FBN2: variants seen among roughly 807,000 people sequenced by gnomAD.
FBN2 encodes the protein fibrillin-2.
In FBN2, 105 loss-of-function variants were observed where a neutral mutation model predicts 355.6. That is an observed-to-expected ratio of 0.30 (90% CI 0.25 to 0.35). FBN2 has a LOEUF of 0.35. Ranked by LOEUF, FBN2 falls within the 10% of genes least tolerant of loss-of-function variation. The pLI is 1.00. For synonymous variants in FBN2, 1,350 were observed against 1,301.2 expected (o/e 1.04, Z -0.81); for missense variants, 3,280 against 3,758.7 (o/e 0.87, Z 3.33).
chr5:128,322,116 T>C (rs1364618209), intron 34 of FBN2, among the ~76,000 whole-genome samples: 3 of 152,228 alleles, frequency 2.0e-5, no homozygotes, highest in African/African-American at 4.8e-5. Flanking sequence ...TTCATATCCA[T>C]TGCTCACTTT....
At chr5:128,314,557 C>G (rs1185676135) in intron 36 of FBN2, among the ~76,000 whole-genome samples, 1 of 151,982 alleles carries the variant, frequency 6.6e-6, no homozygotes, top group East Asian at 1.9e-4. Context: ...ACCTTGTGAT[C>G]CACCCACCTC....
intron 7 of FBN2, among the ~76,000 whole-genome samples, chr5:128,445,727 A>T (rs1057345178): frequency 6.6e-6 from 1 of 152,296 alleles, no homozygotes; most frequent in East Asian, 1.9e-4. Flanking sequence ...CATTGTATCA[A>T]AACTACTAGA....
At chr5:128,450,363 T>C (rs1238540331) in intron 6 of FBN2, among the ~76,000 whole-genome samples, 1 of 151,902 alleles carries the variant, frequency 6.6e-6, no homozygotes, top group Admixed American at 6.5e-5. Context: ...AGAGTTAAAC[T>C]AGAAAGTAAT....
At position 128,338,106 on chromosome 5, in the gene FBN2, T is replaced by C; in HGVS notation, c.3489A>G (p.Glu1163=). 1 of 1,614,124 alleles carries C rather than the reference T, an allele frequency of 6.2e-7. No individual in the cohort carries two copies. The highest frequency in any genetic ancestry group is 8.5e-7 in the Non-Finnish European group (1 of 1,179,976). ...CACCCCTACAAAGGAGAGGGTTACG[T>C]TCACATTCGTCAATGTCTGAAAGGT... ...MKNCMDIDEC[E]RNPLLCRGGT... Residue 1163 remains glutamate, a synonymous_variant, in exon 27 of 65, where the codon GAA becomes GAG. Transcript: ENST00000262464.
At chr5:128,281,289 C>T (rs139682752) in intron 55 of FBN2, among the ~76,000 whole-genome samples, 38 of 152,270 alleles carry the variant, frequency 2.5e-4, no homozygotes, top group Admixed American at 5.2e-4. Context: ...TTTATATTTA[C>T]TGTGGGATTG....
chr5:128,364,601 A>T lies in FBN2; in HGVS notation c.2427T>A (p.Ile809=), dbSNP rs139686090. 2,077 of 1,613,242 alleles carry T rather than the reference A, an allele frequency of 1.3e-3. 7 individuals are homozygous for T. Among genetic ancestry groups the T allele is most frequent in the Non-Finnish European group, 1.6e-3 (1,920 of 1,179,300 alleles). ...GCATAAATATAACAAATAACTTACC[A>T]ATACAGTTTCTTCCAGAGGCATCTG... The part of the protein sequence containing the change: ...YEPDASGRNC[I]DIDECLVNRL... Residue 809 remains isoleucine (I), a splice_region_variant and synonymous_variant, in exon 18 of 65, where the codon ATT becomes ATA. Coordinates refer to ENST00000262464, the MANE Select transcript of FBN2 (RefSeq NM_001999.4).
intron 52 of FBN2, 79 bp downstream of exon 52, chr5:128,289,048 G>A (rs1052933051): frequency 1.4e-6 from 2 of 1,456,116 alleles, no homozygotes; most frequent in Admixed American, 1.7e-5. Context: ...CCATCACCCA[G>A]GGTACCTGAG....
intron 62 of FBN2, among the ~76,000 whole-genome samples, chr5:128,268,539 T>C (rs1002519572): frequency 2.6e-5 from 4 of 152,150 alleles, no homozygotes; most frequent in Admixed American, 6.5e-5. Context: ...GGTAGCATCA[T>C]CCTGATACCA....
intron 5 of FBN2, among the ~76,000 whole-genome samples, chr5:128,489,127 A>G (rs1755431147): frequency 9.4e-6 from 1 of 106,942 alleles, no homozygotes. Flanking sequence ...ACAGTGTAAA[A>G]GTGTTCCTAT....
In FBN2 at chr5:128,434,412, ATATATATATATATG is replaced by A. The variant is rs1753720334; in HGVS notation, c.952+12055_952+12068del. ...AAAGTGTGTATATATATATATATAT[ATATATATATATATG>A]GGCAGTAAGTGACAGCACTGGCGAG... is the stretch of plus-strand genomic sequence containing the variant. On this transcript the variant is annotated intron_variant, in intron 7 of 64. Transcript: ENST00000262464. Among the ~76,000 whole-genome samples the A allele has an allele frequency of 1.6e-5, 2 of 123,742 alleles. 1 individual carries two copies. The highest frequency in any genetic ancestry group is 6.5e-5 in the African/African-American group (2 of 30,996). The allele number at this position is 123,742 out of a possible 152,430, so 81.2% of individuals were successfully genotyped here.
At chr5:128,506,758 C>CT (rs546484886) in intron 5 of FBN2, among the ~76,000 whole-genome samples, 2 of 152,100 alleles carry the variant, frequency 1.3e-5, no homozygotes, top group Non-Finnish European at 2.9e-5. Context: ...AAATGCCCTT[C>CT]TTTCATGTTG....
At position 128,273,926 on chromosome 5, in the gene FBN2, T is replaced by G; in HGVS notation, c.7754A>C (p.Lys2585Thr). 1 of 1,614,000 alleles carries G rather than the reference T, an allele frequency of 6.2e-7. No individual in the cohort carries two copies. The highest frequency in any genetic ancestry group is 1.1e-5 in the South Asian group (1 of 91,076). The change falls in exon 61 of 65, where the codon AAG (lysine) becomes ACG (threonine). Residue 2585 changes from lysine (K) to threonine (T), a missense_variant. By Grantham distance (78) the Lys-to-Thr change is moderately conservative (BLOSUM62 -1). Around this residue, in one of 6 missense-constraint regions of FBN2, gnomAD observed 2,284 missense variants for 2,749.5 expected, o/e 0.83. Transcript: ENST00000262464. The part of the protein sequence containing the change: ...CGSQPSLCGA[K>T]GICQNTPGSF... ...GCCTGGAGTGTTTTGACAGATTCCC[T>G]TTGCTCCACAAAGCGAAGGTTGAGA...
At chr5:128,416,503 G>A (rs1753203267) in intron 7 of FBN2, among the ~76,000 whole-genome samples, 1 of 152,180 alleles carries the variant, frequency 6.6e-6, no homozygotes, top group African/African-American at 2.4e-5. Flanking sequence ...GTCCTGGAGT[G>A]TTTCCCATAT....
Position 128,273,927 on chromosome 5 carries a change from T to C in FBN2, c.7753A>G (p.Lys2585Glu), listed in dbSNP as rs1260094186. ...CCTGGAGTGTTTTGACAGATTCCCTTTGCTCCACAAAGCGAAGGTTGAGAC... is the reference window on the plus strand; with the variant it reads ...CCTGGAGTGTTTTGACAGATTCCCTCTGCTCCACAAAGCGAAGGTTGAGAC... The part of the protein sequence containing the change: ...CGSQPSLCGA[K>E]GICQNTPGSF... The change falls in exon 61 of 65, where the codon AAG (lysine) becomes GAG (glutamate). Residue 2585 changes from lysine (K) to glutamate (E), a missense_variant. Lys to Glu is a moderately conservative substitution (Grantham distance 56). This residue lies in a region of FBN2 where 2,284 missense variants were observed against 2,749.5 expected (regional missense o/e 0.83). Coordinates refer to ENST00000262464, the MANE Select transcript of FBN2 (RefSeq NM_001999.4). 6.2e-7 allele frequency: 1 copy of C among 1,614,000 alleles called. No homozygotes were observed.
At position 128,473,761 on chromosome 5, in the gene FBN2, C is replaced by T. The variant is rs928393768; in HGVS notation, c.629-8840G>A. Among the ~76,000 whole-genome samples, 103 of 152,292 alleles carry T rather than the reference C, an allele frequency of 6.8e-4. 1 individual carries two copies. Among genetic ancestry groups the T allele is most frequent in the African/African-American group, 2.3e-3 (96 of 41,574 alleles). ...GGTTTGCTTTTCTTCTGGTTTCTCC[C>T]AAAGATGAGTCTCCATCTAGCCGTG... On this transcript the variant is annotated intron_variant, in intron 5 of 64. Coordinates refer to ENST00000262464, the MANE Select transcript of FBN2 (RefSeq NM_001999.4).
intron 6 of FBN2, among the ~76,000 whole-genome samples, chr5:128,450,017 C>A (rs1412836864): frequency 1.3e-5 from 2 of 152,044 alleles, no homozygotes; most frequent in African/African-American, 4.8e-5. Context: ...GATTATAAAG[C>A]ATTAAACTCC....
intron 8 of FBN2, among the ~76,000 whole-genome samples, chr5:128,401,370 C>A (rs1561438485): frequency 1.3e-5 from 2 of 152,160 alleles, no homozygotes; most frequent in Non-Finnish European, 1.5e-5. Context: ...ATTCATTTAT[C>A]ATTATTACTA....
chr5:128,530,368 C>T (rs1756670863), intron 3 of FBN2, among the ~76,000 whole-genome samples: 3 of 152,198 alleles, frequency 2.0e-5, no homozygotes, highest in South Asian at 4.1e-4. Flanking sequence ...ACTTAGGCAT[C>T]AGAATACCTG....
At chr5:128,533,241 C>G (rs1756752508) in intron 2 of FBN2, among the ~76,000 whole-genome samples, 1 of 152,126 alleles carries the variant, frequency 6.6e-6, no homozygotes, top group Non-Finnish European at 1.5e-5. Flanking sequence ...CCCCAGAAGG[C>G]CAATATTTAG....
Sources: gnomAD v4.1 joint callset for allele counts (sites outside exome capture counted in the v4.1 genomes callset) on GRCh38, gnomAD v4.1.1 for gene constraint, gnomAD v4.1.1 regional missense constraint, MANE v1.5 for transcripts, NCBI Gene and HGNC (gene_info 2026-07-23, HGNC 2026-07-21) for gene names.